The following USP8 variants were observed in gnomAD, a reference collection of about 807,000 sequenced individuals.
USP8 encodes the protein ubiquitin carboxyl-terminal hydrolase 8.
In USP8, 27 loss-of-function variants were observed where a neutral mutation model predicts 130.0. The observed-to-expected ratio is 0.21, with a 90% confidence interval of 0.15 to 0.29. The LOEUF (loss-of-function observed/expected upper bound fraction) is 0.29, where lower values mean the gene tolerates loss of function less well. Among genes scored for constraint, USP8 ranks in the 10% least tolerant of loss-of-function variants. The pLI, the probability that USP8 is intolerant of heterozygous loss-of-function variation, is 1.00. For missense variants in USP8, 1,029 were observed against 1,312.2 expected, an observed-to-expected ratio of 0.78 and a Z score of 3.33; for synonymous variants, 392 against 444.1, an observed-to-expected ratio of 0.88 and a Z score of 1.48.
rs142143456 is a variant in USP8 at position 50,491,099 on chromosome 15, C to T, written c.2234+574C>T. Among the ~76,000 whole-genome samples, 9 of 152,256 alleles carry T rather than the reference C, an allele frequency of 5.9e-5. No homozygotes were observed. In the East Asian group the frequency reaches 1.2e-3, roughly 20 times the overall value. ...TTTCATTTAGCTATACTTCTGGCTTCGTCCCTTTTGGAATCCTCTTAGCTT... is the reference window on the plus strand; with the variant it reads ...TTTCATTTAGCTATACTTCTGGCTTTGTCCCTTTTGGAATCCTCTTAGCTT... On this transcript the variant is annotated intron_variant, in intron 14 of 19. Coordinates refer to ENST00000307179, the MANE Select transcript of USP8 (RefSeq NM_005154.5).
intron 1 of USP8, among the ~76,000 whole-genome samples, chr15:50,432,139 A>G (rs1461457944): frequency 6.6e-6 from 1 of 152,228 alleles, no homozygotes; most frequent in Non-Finnish European, 1.5e-5. Flanking sequence ...TAGGATTCAC[A>G]TGAAGAAACA....
chr15:50,440,786 T>A (rs2050229847), intron 2 of USP8, among the ~76,000 whole-genome samples: 1 of 151,934 alleles, frequency 6.6e-6, no homozygotes, highest in Non-Finnish European at 1.5e-5. Context: ...GAGGATCACT[T>A]GAGGTCAGGA....
chr15:50,486,584 C>T (rs953541834), intron 12 of USP8, among the ~76,000 whole-genome samples: 2 of 152,078 alleles, frequency 1.3e-5, no homozygotes, highest in Non-Finnish European at 1.5e-5. Flanking sequence ...AGTTAAAGAG[C>T]CACAGCAACA....
chr15:50,493,568 A>C (rs1376350964), intron 15 of USP8: 1 of 492,004 alleles, frequency 2.0e-6, no homozygotes, highest in Non-Finnish European at 4.0e-6. Context: ...AGTCTGGGCA[A>C]CAAGGCAAAA....
chr15:50,495,357 T>TAG (rs1341158675), intron 16 of USP8, among the ~76,000 whole-genome samples: 1 of 102,314 alleles, frequency 9.8e-6, no homozygotes, highest in Non-Finnish European at 2.1e-5. Context: ...TATATACATA[T>TAG]ATAGAGAGAG....
intron 3 of USP8, among the ~76,000 whole-genome samples, chr15:50,444,050 G>A (rs1296880126): frequency 1.3e-5 from 2 of 150,346 alleles, no homozygotes. Context: ...CTTAAAATTT[G>A]GATAACTTTG....
At chr15:50,466,529 A>C (rs1309170768) in intron 7 of USP8, among the ~76,000 whole-genome samples, 1 of 149,608 alleles carries the variant, frequency 6.7e-6, no homozygotes, top group East Asian at 2.0e-4. Flanking sequence ...CGGGAGGCGG[A>C]GGTTGCAGTG....
intron 1 of USP8, among the ~76,000 whole-genome samples, chr15:50,427,218 G>C (rs2049764976): frequency 6.6e-6 from 1 of 152,134 alleles, no homozygotes; most frequent in Non-Finnish European, 1.5e-5. Flanking sequence ...TTACAGGCGT[G>C]AGCCACCGCG....
chr15:50,465,937 GA>G (rs1373166588), intron 7 of USP8, among the ~76,000 whole-genome samples: 1 of 152,182 alleles, frequency 6.6e-6, no homozygotes, highest in Non-Finnish European at 1.5e-5. Context: ...AGATTTAAAT[GA>G]GAAACATTAT....
At chr15:50,431,955 C>T (rs1163283637) in intron 1 of USP8, among the ~76,000 whole-genome samples, 3 of 152,196 alleles carry the variant, frequency 2.0e-5, no homozygotes, top group African/African-American at 7.2e-5. Flanking sequence ...CATGCCCAGC[C>T]AGATGTCCTC....
In USP8 at chr15:50,465,167, T is replaced by C. The variant is rs1248028178; in HGVS notation, c.662T>C (p.Val221Ala). ...TCCTGTATTTTACATTCTCTCAGTG[T>C]TCCTGAAGAAGCCATCAGTCCAGGG... ...QDSCILHSLS[V>A]PEEAISPGVT... The change falls in exon 7 of 20, where the codon GTT becomes GCT. Residue 221 changes from valine to alanine, a missense_variant. Around this residue, in one of 4 missense-constraint regions of USP8, gnomAD observed 281 missense variants for 336.7 expected, o/e 0.83. Transcript: ENST00000307179. 1.2e-6 allele frequency: 2 copies of C among 1,613,888 alleles called. No individual in the cohort carries two copies. Among genetic ancestry groups the C allele is most frequent in the Non-Finnish European group, 1.7e-6 (2 of 1,179,846 alleles).
intron 3 of USP8, among the ~76,000 whole-genome samples, chr15:50,445,360 A>T (rs1454221535): frequency 6.6e-6 from 1 of 150,398 alleles, no homozygotes. Context: ...AGCCTGGCCA[A>T]CATGGTGAAA....
intron 1 of USP8, among the ~76,000 whole-genome samples, chr15:50,429,649 A>G (rs1432591487): frequency 6.6e-6 from 1 of 152,198 alleles, no homozygotes; most frequent in Non-Finnish European, 1.5e-5. Context: ...TATCCTGGAC[A>G]ACATAGTGAG....
chr15:50,433,342 T>C (rs1442792911), intron 1 of USP8, among the ~76,000 whole-genome samples: 1 of 152,190 alleles, frequency 6.6e-6, no homozygotes, highest in Non-Finnish European at 1.5e-5. Context: ...ATACTTATGT[T>C]GAGTATTGTT....
rs1043279793 is a variant in USP8, at chr15:50,514,173, T to G, written c.*15085T>G. The G allele has an allele frequency of 1.3e-5, 2 of 152,222 alleles. No individual in the cohort carries two copies. Among genetic ancestry groups the G allele is most frequent in the African/African-American group, 4.8e-5 (2 of 41,460 alleles). 9.4% of individuals were successfully genotyped at this position (152,222 alleles called of 1,614,324 possible). On this transcript the variant is annotated 3_prime_UTR_variant, in exon 20 of 20. Transcript: ENST00000307179. ...AGCCAGACACAAAAAAAGGATATAC[T>G]GTACAATTCCATTTATACGAAGCAT...
chr15:50,499,185 A>G lies in USP8; in HGVS notation c.*97A>G, dbSNP rs1192407093. 1.4e-5 allele frequency: 18 copies of G among 1,274,654 alleles called. No homozygotes were observed. Among genetic ancestry groups the G allele is most frequent in the Non-Finnish European group, 1.7e-5 (16 of 943,266 alleles). The allele number at this position is 1,274,654 out of a possible 1,614,324, so 79.0% of individuals were successfully genotyped here. On this transcript the variant is annotated 3_prime_UTR_variant, in exon 20 of 20. Transcript: ENST00000307179. ...TAATGGTAGCTATAGCTGGCCATTTAGAGGAATTCTAGGACAGTGGGAGCT... is the reference window on the plus strand; with the variant it reads ...TAATGGTAGCTATAGCTGGCCATTTGGAGGAATTCTAGGACAGTGGGAGCT...
At chr15:50,490,672 CAAAT>C (rs2052127000) in intron 14 of USP8, 147 bp downstream of exon 14, 5 of 1,066,050 alleles carry the variant, frequency 4.7e-6, no homozygotes, top group Non-Finnish European at 5.3e-6. Context: ...GAGAACAAAA[CAAAT>C]GAATAGAGAA....
At chr15:50,484,977 G>A (rs1485006281) in intron 12 of USP8, among the ~76,000 whole-genome samples, 2 of 152,172 alleles carry the variant, frequency 1.3e-5, no homozygotes, top group South Asian at 2.1e-4. Flanking sequence ...TGTCAGAGCT[G>A]GAGAAAGGGG....
In USP8 at chr15:50,435,022, A is replaced by G. The variant is rs117841358; in HGVS notation, c.-65-3987A>G. Among the ~76,000 whole-genome samples the G allele has an allele frequency of 1.9e-4, 29 of 152,334 alleles. No homozygotes were observed. In the East Asian group the frequency reaches 4.8e-3, roughly 25 times the overall value. On this transcript the variant is annotated intron_variant, in intron 1 of 19. Coordinates refer to ENST00000307179, the MANE Select transcript of USP8 (RefSeq NM_005154.5). ...TTCTGTAGTTAATGAACACTTCTGTATAAGTATCAATGGGTTTGTTGTTGC... is the reference window on the plus strand; with the variant it reads ...TTCTGTAGTTAATGAACACTTCTGTGTAAGTATCAATGGGTTTGTTGTTGC...
Sources: allele counts gnomAD v4.1 joint callset (sites outside exome capture counted in the v4.1 genomes callset), GRCh38; gene constraint gnomAD v4.1.1; regional missense constraint gnomAD v4.1.1; transcripts MANE v1.5; gene names NCBI Gene and HGNC (gene_info 2026-07-23, HGNC 2026-07-21).